The following B3GALT1 variants were observed in gnomAD, a reference collection of about 807,000 sequenced individuals.
The protein encoded by B3GALT1 is beta-1,3-galactosyltransferase 1.
A neutral mutation model predicts 23.2 loss-of-function variants in B3GALT1; 10 were observed. That is an observed-to-expected ratio of 0.43 (90% confidence interval 0.27 to 0.73). The LOEUF (loss-of-function observed/expected upper bound fraction) is 0.73, where lower values mean the gene tolerates loss of function less well. B3GALT1 is among the 30% of genes least tolerant of loss of function. B3GALT1 has a pLI of 0.21. For synonymous variants in B3GALT1, 156 were observed against 141.5 expected, an observed-to-expected ratio of 1.10 and a Z score of -0.73; for missense variants, 299 against 405.4, an observed-to-expected ratio of 0.74 and a Z score of 2.25.
At chr2:167,735,257 T>A (rs1687474182) in intron 3 of B3GALT1, among the ~76,000 whole-genome samples, 1 of 152,210 alleles carries the variant, frequency 6.6e-6, no homozygotes, top group South Asian at 2.1e-4. Context: ...CCTGGTTATA[T>A]CAAATTCTGC....
intron 4 of B3GALT1, among the ~76,000 whole-genome samples, chr2:167,834,678 A>G (rs1316018073): frequency 6.6e-6 from 1 of 152,120 alleles, no homozygotes; most frequent in East Asian, 1.9e-4. Flanking sequence ...GCAAAACCCC[A>G]TCTCCACTAA....
intron 1 of B3GALT1, among the ~76,000 whole-genome samples, chr2:167,354,878 T>A (rs1697377438): frequency 6.6e-6 from 1 of 152,158 alleles, no homozygotes. Context: ...TTTTTCATCT[T>A]TATCACTCAT....
rs377116379 is a variant in B3GALT1, at chr2:167,811,626, T to A, written c.-351-7046T>A. Among the ~76,000 whole-genome samples the A allele has an allele frequency of 6.6e-5, 10 of 151,374 alleles. No individual in the cohort carries two copies. In the South Asian group the frequency reaches 2.1e-3, roughly 31 times the overall value. On this transcript the variant is annotated intron_variant, in intron 3 of 4. Transcript: ENST00000392690. ...TTCAAGATCTCATTGATCTCATTGA[T>A]GTTTGCAAAATACAAATCCCCATCT...
chr2:167,494,331 C>T (rs1206048588), intron 2 of B3GALT1, among the ~76,000 whole-genome samples: 1 of 149,884 alleles, frequency 6.7e-6, no homozygotes, highest in East Asian at 1.9e-4. Flanking sequence ...GAGTGAGACT[C>T]CTCTCAAAAA....
chr2:167,667,419 A>G (rs1427605693), intron 3 of B3GALT1, among the ~76,000 whole-genome samples: 4 of 151,878 alleles, frequency 2.6e-5, no homozygotes, highest in African/African-American at 7.3e-5. Context: ...GAATCTGACA[A>G]TTATGTGTCT....
chr2:167,705,444 C>A (rs1686953200), intron 3 of B3GALT1, among the ~76,000 whole-genome samples: 1 of 152,080 alleles, frequency 6.6e-6, no homozygotes, highest in Non-Finnish European at 1.5e-5. Context: ...GCTTGGGGAA[C>A]CTTATAAGAA....
chr2:167,376,819 G>A (rs1198708941), intron 1 of B3GALT1, among the ~76,000 whole-genome samples: 1 of 151,972 alleles, frequency 6.6e-6, no homozygotes, highest in African/African-American at 2.4e-5. Context: ...TCTTTGTATG[G>A]ATTTGGAGGT....
intron 1 of B3GALT1, among the ~76,000 whole-genome samples, chr2:167,296,362 TTTAA>T (rs1182406626): frequency 2.0e-5 from 3 of 152,198 alleles, no homozygotes; most frequent in Non-Finnish European, 4.4e-5. Flanking sequence ...AGCGATTTGT[TTTAA>T]TTAATAGTGA....
At chr2:167,351,017 C>T (rs1697300217) in intron 1 of B3GALT1, among the ~76,000 whole-genome samples, 1 of 152,182 alleles carries the variant, frequency 6.6e-6, no homozygotes. Context: ...GCCTGTAATC[C>T]CAGCACTTTG....
chr2:167,430,606 G>A (rs565441258), intron 1 of B3GALT1, among the ~76,000 whole-genome samples: 2 of 140,686 alleles, frequency 1.4e-5, no homozygotes, highest in South Asian at 4.9e-4. Flanking sequence ...AAGCTGTGAT[G>A]AAGGATTCCA....
Position 167,445,729 on chromosome 2 carries a change from C to T in B3GALT1, c.-510-44448C>T, listed in dbSNP as rs1376540201. On this transcript the variant is annotated intron_variant, in intron 1 of 4. Transcript: ENST00000392690. ...TCAATTAACTTGGTAGATCTGCCTC[C>T]ATCCCTTTCTTTTGAGCTGATGTGT... Among the ~76,000 whole-genome samples the T allele has an allele frequency of 3.3e-5, 5 of 152,220 alleles. No individual in the cohort carries two copies. The East Asian group carries it at 7.7e-4, about 24-fold the overall frequency.
At chr2:167,600,160 G>C (rs1375987599) in intron 2 of B3GALT1, among the ~76,000 whole-genome samples, 1 of 152,032 alleles carries the variant, frequency 6.6e-6, no homozygotes, top group African/African-American at 2.4e-5. Context: ...AGAGTGAAAT[G>C]ACCTTCAAAA....
chr2:167,779,207 C>T (rs1688209309), intron 3 of B3GALT1, among the ~76,000 whole-genome samples: 1 of 151,522 alleles, frequency 6.6e-6, no homozygotes, highest in African/African-American at 2.4e-5. Context: ...TTTTTTTCTC[C>T]CTTTTTCTTT....
intron 2 of B3GALT1, among the ~76,000 whole-genome samples, chr2:167,614,257 T>C (rs1039412124): frequency 6.6e-6 from 1 of 151,392 alleles, no homozygotes; most frequent in African/African-American, 2.4e-5. Flanking sequence ...GTATATGTCA[T>C]TCATAATCAA....
intron 1 of B3GALT1, among the ~76,000 whole-genome samples, chr2:167,467,468 T>C (rs1699366034): frequency 6.6e-6 from 1 of 152,190 alleles, no homozygotes; most frequent in Admixed American, 6.5e-5. Context: ...GAGTTACTCC[T>C]ACGTGTTTGT....
intron 1 of B3GALT1, among the ~76,000 whole-genome samples, chr2:167,392,965 T>G (rs1426995652): frequency 6.6e-6 from 1 of 152,166 alleles, no homozygotes; most frequent in Non-Finnish European, 1.5e-5. Flanking sequence ...CCGGGCGCAG[T>G]GGCTCACACC....
chr2:167,380,622 G>A (rs1336225524), intron 1 of B3GALT1, among the ~76,000 whole-genome samples: 1 of 152,140 alleles, frequency 6.6e-6, no homozygotes, highest in Non-Finnish European at 1.5e-5. Flanking sequence ...ATGGCATCCT[G>A]TTCTCAGTCC....
At chr2:167,424,949 C>G (rs1230948205) in intron 1 of B3GALT1, among the ~76,000 whole-genome samples, 1 of 152,188 alleles carries the variant, frequency 6.6e-6, no homozygotes, top group Admixed American at 6.5e-5. Flanking sequence ...GTATTTTAAC[C>G]AAATGCGCAC....
intron 2 of B3GALT1, among the ~76,000 whole-genome samples, chr2:167,607,171 T>C (rs1684977328): frequency 6.6e-6 from 1 of 152,164 alleles, no homozygotes; most frequent in Non-Finnish European, 1.5e-5. Context: ...AGTTCATAGG[T>C]TCTACCTGAA....
Sources: allele counts gnomAD v4.1 joint callset (sites outside exome capture counted in the v4.1 genomes callset), GRCh38; gene constraint gnomAD v4.1.1; transcripts MANE v1.5; gene names NCBI Gene and HGNC (gene_info 2026-07-23, HGNC 2026-07-21).